Variants in CDC40 observed in about 807,000 individuals in gnomAD.
The protein encoded by CDC40 is cell division cycle 40.
CDC40 carries 27 observed loss-of-function variants against 80.6 expected under a neutral mutation model. The observed-to-expected ratio is 0.33, with a 90% CI of 0.25 to 0.46. CDC40 has a LOEUF of 0.46. Ranked by LOEUF, CDC40 falls within the 20% of genes least tolerant of loss-of-function variation. CDC40 has a pLI of 1.00. For missense variants in CDC40, 486 were observed against 694.1 expected, an observed-to-expected ratio of 0.70 and a Z score of 3.37; for synonymous variants, 221 against 232.6, an observed-to-expected ratio of 0.95 and a Z score of 0.45.
intron 8 of CDC40, among the ~76,000 whole-genome samples, chr6:110,214,390 A>T (rs75907046): frequency 0.033 from 4,966 of 152,286 alleles, 145 homozygotes; most frequent in South Asian, 0.12. Flanking sequence ...TTATAGAGGC[A>T]AGCACAAGAT....
At position 110,181,364 on chromosome 6, in the gene CDC40, G is replaced by A. The variant is rs183928624; in HGVS notation, c.189+731G>A. Among the ~76,000 whole-genome samples the A allele has an allele frequency of 1.2e-3, 189 of 152,330 alleles. 1 individual carries two copies. The highest frequency in any genetic ancestry group is 2.4e-3 in the Non-Finnish European group (166 of 68,036). ...AAGAGCCTAGTGGGTTTGAAGAACT[G>A]AGGAAAAGCTGATGTGTCTGGAGCC... is the stretch of plus-strand genomic sequence containing the variant. On this transcript the variant is annotated intron_variant, in intron 1 of 14. Transcript: ENST00000307731.
chr6:110,214,735 G>A (rs532303987), intron 8 of CDC40, among the ~76,000 whole-genome samples: 1 of 152,306 alleles, frequency 6.6e-6, no homozygotes, highest in South Asian at 2.1e-4. Flanking sequence ...AGCTAGCCTT[G>A]AAGCTATTGT....
intron 12 of CDC40, among the ~76,000 whole-genome samples, chr6:110,224,857 A>G (rs1021078868): frequency 2.0e-5 from 3 of 152,256 alleles, no homozygotes; most frequent in Non-Finnish European, 4.4e-5. Context: ...ATTGATCAAT[A>G]TGAACCTGGA....
At chr6:110,216,466 G>A (rs897005963) in intron 9 of CDC40, among the ~76,000 whole-genome samples, 3 of 152,146 alleles carry the variant, frequency 2.0e-5, no homozygotes, top group African/African-American at 4.8e-5. Context: ...TGTGTACAGG[G>A]GAACAAAATG....
chr6:110,180,709 C>A, intron 1 of CDC40, 76 bp downstream of exon 1: 1 of 1,035,198 alleles, frequency 9.7e-7, no homozygotes, highest in Non-Finnish European at 1.5e-6. Context: ...TTGTTAGGTA[C>A]CGGGTTACCT....
At chr6:110,203,479 C>G (rs1777518361) in intron 3 of CDC40, among the ~76,000 whole-genome samples, 1 of 152,160 alleles carries the variant, frequency 6.6e-6, no homozygotes, top group Non-Finnish European at 1.5e-5. Context: ...GTGGTGTTAT[C>G]TAACAGACAT....
At chr6:110,200,818 A>G (rs1434569730) in intron 2 of CDC40, among the ~76,000 whole-genome samples, 1 of 152,202 alleles carries the variant, frequency 6.6e-6, no homozygotes, top group Non-Finnish European at 1.5e-5. Context: ...AGGATTAAAT[A>G]GCATTTGGAA....
chr6:110,180,594 A>G lies in CDC40; in HGVS notation c.150A>G (p.Leu50=), dbSNP rs556359363. The G allele has an allele frequency of 1.9e-6, 3 of 1,614,172 alleles. No individual in the cohort carries two copies. Among genetic ancestry groups the G allele is most frequent in the Non-Finnish European group, 2.5e-6 (3 of 1,180,012 alleles). Reference sequence around the variant, plus strand: ...AATCGCCTTCATCAAAGCCGTCTCTAGCAGTGGCAGTGGACTCGGCTCCGG... The same window carrying G: ...AATCGCCTTCATCAAAGCCGTCTCTGGCAGTGGCAGTGGACTCGGCTCCGG... ...LTKSPSSKPS[L]AVAVDSAPEV... The change falls in exon 1 of 15, where the codon CTA becomes CTG. Residue 50 remains leucine, a synonymous_variant. Transcript: ENST00000307731.
chr6:110,182,148 G>T (rs1340196743), intron 1 of CDC40, among the ~76,000 whole-genome samples: 1 of 152,162 alleles, frequency 6.6e-6, no homozygotes, highest in East Asian at 1.9e-4. Flanking sequence ...TTACTTAAAT[G>T]CTCTGTACCT....
chr6:110,196,958 T>G (rs554544355), intron 2 of CDC40, among the ~76,000 whole-genome samples: 51 of 152,276 alleles, frequency 3.3e-4, no homozygotes, highest in Admixed American at 3.1e-3. Flanking sequence ...TGTTCAGTAA[T>G]TTGGGTTATT....
rs776616990 is a variant in CDC40, at chr6:110,210,754, A to G, written c.678A>G (p.Lys226=). Residue 226 remains lysine, a synonymous_variant, in exon 6 of 15, where the codon AAA becomes AAG. Transcript: ENST00000307731. ...AAATCACAGCAAAGAGGCAGAAAAA[A>G]GGAAAACAGGAAGAAGAGAAACCTG... ...LDEITAKRQK[K]GKQEEEKPGE... The G allele has an allele frequency of 1.3e-6, 2 of 1,579,654 alleles. No homozygotes were observed. The highest frequency in any genetic ancestry group is 1.7e-6 in the Non-Finnish European group (2 of 1,164,858).
chr6:110,220,736 C>T (rs150828920), intron 12 of CDC40, among the ~76,000 whole-genome samples: 4,053 of 152,220 alleles, frequency 0.027, 105 homozygotes, highest in Admixed American at 0.076. Flanking sequence ...TGAGCCACTG[C>T]ACCCAGCCAG....
intron 6 of CDC40, 175 bp from the exon 7 acceptor site, chr6:110,211,958 T>G: frequency 1.8e-6 from 1 of 569,338 alleles, no homozygotes; most frequent in Non-Finnish European, 3.1e-6. Context: ...ATGATAGCAG[T>G]TATTTTAAGC....
Position 110,210,735 on chromosome 6 carries a change from C to T in CDC40, c.659C>T (p.Thr220Ile), listed in dbSNP as rs760430736. Residue 220 changes from threonine to isoleucine, a missense_variant, in exon 6 of 15, where the codon ACA becomes ATA. Thr to Ile is a moderately conservative substitution (Grantham distance 89, BLOSUM62 -1). Around this residue, in one of 3 missense-constraint regions of CDC40, gnomAD observed 381 missense variants for 492.1 expected, o/e 0.77. Coordinates refer to ENST00000307731, the MANE Select transcript of CDC40 (RefSeq NM_015891.3). ...EEEQKELDEI[T>I]AKRQKKGKQE... is the part of the protein sequence containing the mutation. ...GAGCAAAAAGAATTGGATGAAATCA[C>T]AGCAAAGAGGCAGAAAAAAGGAAAA... The T allele has an allele frequency of 8.9e-6, 14 of 1,577,578 alleles. No individual in the cohort carries two copies. In the East Asian group the frequency reaches 3.2e-4, roughly 36 times the overall value.
chr6:110,201,210 G>A lies in CDC40; in HGVS notation c.277-348G>A, dbSNP rs563919946. 2.2e-4 allele frequency among the ~76,000 whole-genome samples: 34 copies of A among 152,270 alleles called. No individual in the cohort carries two copies. The East Asian group carries it at 6.2e-3, about 28-fold the overall frequency. ...CCCCAAATCCCCGAAATCATGGTTTGGGGAAACTATAGTAACTCTCAATTA... is the reference window on the plus strand; with the variant it reads ...CCCCAAATCCCCGAAATCATGGTTTAGGGAAACTATAGTAACTCTCAATTA... On this transcript the variant is annotated intron_variant, in intron 2 of 14. Coordinates refer to ENST00000307731, the MANE Select transcript of CDC40 (RefSeq NM_015891.3).
At position 110,200,786 on chromosome 6, in the gene CDC40, G is replaced by A. The variant is rs528844478; in HGVS notation, c.277-772G>A. Among the ~76,000 whole-genome samples the A allele has an allele frequency of 2.2e-4, 34 of 152,268 alleles. No homozygotes were observed. In the East Asian group the frequency reaches 6.2e-3, roughly 28 times the overall value. ...TTTTCTTCATTTGCAGCATGAGAAG[G>A]AGAATACTTGTTTAACTTGTCAGGA... On this transcript the variant is annotated intron_variant, in intron 2 of 14. Transcript: ENST00000307731.
At chr6:110,222,804 G>A (rs1011597233) in intron 12 of CDC40, among the ~76,000 whole-genome samples, 5 of 152,186 alleles carry the variant, frequency 3.3e-5, no homozygotes, top group African/African-American at 1.2e-4. Context: ...CCAGCACAGT[G>A]CCTGGCACAC....
intron 1 of CDC40, among the ~76,000 whole-genome samples, chr6:110,191,256 C>G (rs117562889): frequency 6.6e-6 from 1 of 152,208 alleles, no homozygotes. Flanking sequence ...CAGATCTTCA[C>G]TTGTCTGTGG....
chr6:110,199,898 C>G (rs966079106), intron 2 of CDC40, among the ~76,000 whole-genome samples: 1 of 151,948 alleles, frequency 6.6e-6, no homozygotes, highest in African/African-American at 2.4e-5. Context: ...CTGACCGTAG[C>G]GGGTAGAGAA....
Sources: gnomAD v4.1 joint callset for allele counts (sites outside exome capture counted in the v4.1 genomes callset) on GRCh38, gnomAD v4.1.1 for gene constraint, gnomAD v4.1.1 regional missense constraint, MANE v1.5 for transcripts, NCBI Gene and HGNC (gene_info 2026-07-23, HGNC 2026-07-21) for gene names.